The following BCAS3 variants were observed in gnomAD, a reference collection of about 807,000 sequenced individuals.
BCAS3 encodes the protein BCAS4/BCAS3 fusion.
Under a neutral mutation model 116.1 loss-of-function variants are expected in BCAS3, and 53 were observed. That is an observed-to-expected ratio of 0.46 (90% CI 0.37 to 0.57). The LOEUF is 0.57. BCAS3 is among the 20% of genes least tolerant of loss of function. BCAS3 has a pLI of 0.00. For synonymous variants in BCAS3, 391 were observed against 408.2 expected (o/e 0.96, Z 0.51); for missense variants, 917 against 1,165.4 (o/e 0.79, Z 3.10).
In BCAS3 at chr17:61,248,957, T is replaced by C. The variant is rs1003309739; in HGVS notation, c.2426-119370T>C. On this transcript the variant is annotated intron_variant, in intron 22 of 23. Coordinates refer to ENST00000407086, the MANE Select transcript of BCAS3 (RefSeq NM_017679.5). This position sits in a 1 kb window ranked among gnomAD's most constrained non-coding sequence, Gnocchi z 4.3. ...TAGATGAATATATATTCTTTTCCTG[T>C]GTATTCTACTATTCCTGCAAAAATT... Among the ~76,000 whole-genome samples, 21 of 152,200 alleles carry C rather than the reference T, an allele frequency of 1.4e-4. No homozygotes were observed. The highest frequency in any genetic ancestry group is 5.1e-4 in the African/African-American group (21 of 41,450).
At chr17:60,825,709 G>A (rs954969581) in intron 7 of BCAS3, among the ~76,000 whole-genome samples, 5 of 151,550 alleles carry the variant, frequency 3.3e-5, no homozygotes, top group African/African-American at 7.3e-5. Context: ...GTCCTCACAT[G>A]GTGGAAGGGC....
intron 22 of BCAS3, among the ~76,000 whole-genome samples, chr17:61,169,902 T>A (rs1265739720): frequency 1.3e-5 from 2 of 152,194 alleles, no homozygotes; most frequent in Non-Finnish European, 2.9e-5. Flanking sequence ...TCGCCCAGGC[T>A]GTAGTGCAGT....
intron 7 of BCAS3, among the ~76,000 whole-genome samples, chr17:60,816,336 G>A (rs1453327161): frequency 4.7e-5 from 7 of 148,936 alleles, no homozygotes; most frequent in African/African-American, 1.8e-4. Context: ...GTGCAGTGGC[G>A]TGATCTCAGC....
intron 15 of BCAS3, among the ~76,000 whole-genome samples, chr17:60,997,230 G>T (rs1448548728): frequency 1.3e-5 from 2 of 152,166 alleles, no homozygotes; most frequent in Non-Finnish European, 2.9e-5. Context: ...CTCCTGCTCT[G>T]CAGCCTGGTT....
intron 22 of BCAS3, chr17:61,086,978 C>G (rs922418630): frequency 1.0e-6 from 1 of 985,174 alleles, no homozygotes; most frequent in African/African-American, 1.7e-5. Context: ...CTTTCTACAT[C>G]TGTGGAAAAC....
chr17:60,824,831 G>T (rs2050243638), intron 7 of BCAS3, among the ~76,000 whole-genome samples: 2 of 152,160 alleles, frequency 1.3e-5, no homozygotes, highest in African/African-American at 4.8e-5. Context: ...GATATTTGGA[G>T]TTAGGTGGTC....
chr17:61,283,258 A>G lies in BCAS3; in HGVS notation c.2426-85069A>G, dbSNP rs573949475. On this transcript the variant is annotated intron_variant, in intron 22 of 23. Coordinates refer to ENST00000407086, the MANE Select transcript of BCAS3 (RefSeq NM_017679.5). ...TCAACTAGTCTTGGTTTGGAGGACT[A>G]TAACACATTCAAACTAGTTAGCTTC... Among the ~76,000 whole-genome samples, 4 of 152,326 alleles carry G rather than the reference A, an allele frequency of 2.6e-5. No homozygotes were observed. The South Asian group carries it at 8.3e-4, about 32-fold the overall frequency.
intron 20 of BCAS3, 114 bp from the exon 21 acceptor site, chr17:61,078,219 C>G: frequency 1.2e-6 from 1 of 807,430 alleles, no homozygotes; most frequent in Non-Finnish European, 2.0e-6. Flanking sequence ...CCCTTTGCCA[C>G]TTTAACATGG....
intron 5 of BCAS3, among the ~76,000 whole-genome samples, chr17:60,719,030 C>T (rs1274843418): frequency 1.3e-5 from 2 of 152,078 alleles, no homozygotes; most frequent in African/African-American, 4.8e-5. Context: ...CCATTGCACT[C>T]CAGCCTGGGC....
At chr17:60,889,546 CA>C (rs1299741891) in intron 9 of BCAS3, 148 bp from the exon 10 acceptor site, 2 of 644,802 alleles carry the variant, frequency 3.1e-6, no homozygotes, top group Non-Finnish European at 5.3e-6. Flanking sequence ...ACTTAGCTAA[CA>C]AAATAATGAC....
At position 61,196,822 on chromosome 17, in the gene BCAS3, A is replaced by G. The variant is rs1419534694; in HGVS notation, c.2425+112258A>G. 1.3e-5 allele frequency among the ~76,000 whole-genome samples: 2 copies of G among 152,368 alleles called. No homozygotes were observed. The highest frequency in any genetic ancestry group is 2.9e-5 in the Non-Finnish European group (2 of 68,038). On this transcript the variant is annotated intron_variant, in intron 22 of 23. Transcript: ENST00000407086. The surrounding 1 kb of genome is among the most constrained non-coding windows in gnomAD (Gnocchi z 4.7). ...TTTTAACTGCTGAAACAGAAAGCAT[A>G]TATGCTCTAAAGTATAGTTTATATA...
intron 6 of BCAS3, chr17:60,749,068 A>T (rs1217305293): frequency 6.6e-6 from 1 of 152,182 alleles, no homozygotes; most frequent in African/African-American, 2.4e-5. Flanking sequence ...TTTCCCCCAA[A>T]GTTATACGTG....
rs200098763 is a variant in BCAS3, at chr17:60,799,520, G to GTT, written c.404-8482_404-8481dup. The stretch of plus-strand genomic sequence containing the variant: ...AATATGTAAGTTTTTTGAGATTAGT[G>GTT]TTTGTTTTTTTTTTTTTTTTTTTTT... On this transcript the variant is annotated intron_variant, in intron 6 of 23. Transcript: ENST00000407086. Among the ~76,000 whole-genome samples the GTT allele has an allele frequency of 2.2e-3, 256 of 117,610 alleles. 25 individuals carry two copies. Among genetic ancestry groups the GTT allele is most frequent in the African/African-American group, 6.8e-3 (186 of 27,154 alleles). The allele number at this position is 117,610 out of a possible 152,430, so 77.2% of individuals were successfully genotyped here. A position where few individuals can be genotyped will look rare whatever the true frequency, so the allele number is the denominator to read the frequency against.
At chr17:60,682,398 C>A (rs2033300138) in intron 2 of BCAS3, among the ~76,000 whole-genome samples, 1 of 151,974 alleles carries the variant, frequency 6.6e-6, no homozygotes, top group South Asian at 2.1e-4. Context: ...CTTTTTTAGG[C>A]CTAATCGATT....
chr17:60,903,541 C>T (rs1306594170), intron 11 of BCAS3, among the ~76,000 whole-genome samples: 1 of 152,114 alleles, frequency 6.6e-6, no homozygotes, highest in Non-Finnish European at 1.5e-5. Context: ...CTCTGTTGCT[C>T]AGGCAGGAGT....
At chr17:60,937,277 TTCTC>T (rs1337558136) in intron 13 of BCAS3, among the ~76,000 whole-genome samples, 1 of 151,970 alleles carries the variant, frequency 6.6e-6, no homozygotes, top group African/African-American at 2.4e-5. Context: ...TTTTGAGTTT[TTCTC>T]TCTCTTTTTT....
At position 61,380,164 on chromosome 17, in the gene BCAS3, G is replaced by C; in HGVS notation, c.2593+11670G>C. 3.4e-6 allele frequency: 1 copy of C among 292,068 alleles called. No homozygotes were observed. The allele number at this position is 292,068 out of a possible 1,614,324, so 18.1% of individuals were successfully genotyped here. A position where few individuals can be genotyped will look rare whatever the true frequency, so the allele number is the denominator to read the frequency against. ...TTCAGACCTGGTTTCTAAATCCACGGAAGCTGAGAGGAGGAAGAAAATCTG... is the reference window on the plus strand; with the variant it reads ...TTCAGACCTGGTTTCTAAATCCACGCAAGCTGAGAGGAGGAAGAAAATCTG... On this transcript the variant is annotated intron_variant, in intron 23 of 23. Coordinates refer to ENST00000407086, the MANE Select transcript of BCAS3 (RefSeq NM_017679.5). The surrounding 1 kb of genome is among the most constrained non-coding windows in gnomAD (Gnocchi z 4.2).
intron 19 of BCAS3, among the ~76,000 whole-genome samples, chr17:61,046,643 G>A (rs968817362): frequency 2.0e-5 from 3 of 151,806 alleles, no homozygotes; most frequent in Non-Finnish European, 4.4e-5. Context: ...CGGTAGAGAC[G>A]CAACCATCCT....
intron 22 of BCAS3, among the ~76,000 whole-genome samples, chr17:61,293,281 AG>A (rs1210393855): frequency 2.0e-5 from 3 of 152,186 alleles, no homozygotes; most frequent in Non-Finnish European, 4.4e-5. Flanking sequence ...AAGGGATATT[AG>A]AAATCGTGCA....
Sources: gnomAD v4.1 joint callset for allele counts (sites outside exome capture counted in the v4.1 genomes callset) on GRCh38, gnomAD v4.1.1 for gene constraint, Gnocchi (gnomAD v3.1) non-coding constraint, MANE v1.5 for transcripts, NCBI Gene and HGNC (gene_info 2026-07-23, HGNC 2026-07-21) for gene names.